Variants in KLF8 observed in about 807,000 individuals in gnomAD.
KLF8 encodes the protein Krueppel-like factor 8.
KLF8 carries 10 observed loss-of-function variants against 18.2 expected under a neutral mutation model. The ratio of observed to expected loss-of-function variants is 0.55; its 90% CI spans 0.34 to 0.93. The LOEUF is 0.93. Ranked by LOEUF, KLF8 falls within the 40% of genes least tolerant of loss-of-function variation. The probability of loss-of-function intolerance (pLI) is 0.02; values close to 1 mark genes in which losing one functional copy is unlikely to be tolerated. For missense variants in KLF8, 264 were observed against 277.9 expected, an observed-to-expected ratio of 0.95 and a Z score of 0.36; for synonymous variants, 109 against 97.3, an observed-to-expected ratio of 1.12 and a Z score of -0.71.
At chrX:56,266,467 A>G (rs1340119068) in intron 3 of KLF8, 1 of 737,268 alleles carries the variant, frequency 1.4e-6, no homozygotes, top group Non-Finnish European at 1.6e-6. Flanking sequence ...AGAGAACTTA[A>G]CACAGTGCTA....
the KLF8 span, among the ~76,000 whole-genome samples, chrX:56,158,194 G>T: frequency 1.8e-4 from 20 of 111,399 alleles, no homozygotes; most frequent in East Asian, 4.5e-3. Context: ...AAGATCAGAT[G>T]GTTGTAGATA....
chrX:56,263,552 T>G (rs2066917204), intron 2 of KLF8, among the ~76,000 whole-genome samples: 1 of 111,199 alleles, frequency 9.0e-6, no homozygotes, highest in African/African-American at 3.3e-5. Flanking sequence ...GTGGTGTGAT[T>G]ATAGATCACT....
chrX:56,128,283 TG>T, the KLF8 span, among the ~76,000 whole-genome samples: 1 of 112,020 alleles, frequency 8.9e-6, no homozygotes, highest in Non-Finnish European at 1.9e-5. Flanking sequence ...ATGATGGTTT[TG>T]AAAATTATTT....
the KLF8 span, among the ~76,000 whole-genome samples, chrX:55,971,195 G>A: frequency 3.1e-4 from 34 of 111,129 alleles, no homozygotes; most frequent in Non-Finnish European, 4.4e-4. Context: ...AAACAACATG[G>A]TACTGGCATA....
chrX:56,147,501 G>A, the KLF8 span, among the ~76,000 whole-genome samples: 1 of 111,865 alleles, frequency 8.9e-6, no homozygotes, highest in Non-Finnish European at 1.9e-5. Context: ...TTGTGCTAAC[G>A]AAAGAAACCA....
the KLF8 span, among the ~76,000 whole-genome samples, chrX:55,916,391 T>C: frequency 3.6e-5 from 4 of 111,971 alleles, no homozygotes; most frequent in African/African-American, 1.3e-4. Flanking sequence ...GGGTTGACTG[T>C]GCTCCCAGTG....
the KLF8 span, among the ~76,000 whole-genome samples, chrX:56,212,603 C>T: frequency 8.9e-6 from 1 of 112,152 alleles, no homozygotes; most frequent in Non-Finnish European, 1.9e-5. Flanking sequence ...CAGGATCCCA[C>T]TGAGTTCAAT....
At chrX:56,176,651 C>T in the KLF8 span, among the ~76,000 whole-genome samples, 3 of 111,227 alleles carry the variant, frequency 2.7e-5, no homozygotes, top group Admixed American at 2.9e-4. Flanking sequence ...TGTTTGCCTG[C>T]CTTACTAGAT....
the KLF8 span, among the ~76,000 whole-genome samples, chrX:56,164,264 TAGTAAG>T: frequency 1.1e-5 from 1 of 92,094 alleles, no homozygotes; most frequent in African/African-American, 4.0e-5. Context: ...GAAAGCATGA[TAGTAAG>T]ATAGACACTA....
the KLF8 span, among the ~76,000 whole-genome samples, chrX:56,186,191 C>T: frequency 2.7e-5 from 3 of 111,225 alleles, no homozygotes; most frequent in Admixed American, 9.6e-5. Context: ...ATCTACCAAG[C>T]AAATGGAAAA....
At position 56,291,310 on chromosome X, in the gene KLF8, G is replaced by T. The variant is rs2147719492; in HGVS notation, c.*6816G>T. On this transcript the variant is annotated 3_prime_UTR_variant, in exon 6 of 6. Coordinates refer to ENST00000468660, the MANE Select transcript of KLF8 (RefSeq NM_007250.5). ...GTTCTTGCTCCAGAGGCATGGCTTTGAGGCTAGAATCATGAGCAATCTCTC... is the reference window on the plus strand; with the variant it reads ...GTTCTTGCTCCAGAGGCATGGCTTTTAGGCTAGAATCATGAGCAATCTCTC... Among the ~76,000 whole-genome samples the T allele has an allele frequency of 9.0e-6, 1 of 111,340 alleles. No individual in the cohort carries two copies. Among genetic ancestry groups the T allele is most frequent in the South Asian group, 3.8e-4 (1 of 2,636 alleles).
chrX:56,043,440 T>A, the KLF8 span, among the ~76,000 whole-genome samples: 1 of 111,584 alleles, frequency 9.0e-6, no homozygotes, highest in African/African-American at 3.3e-5. Context: ...CTTGTCGGTT[T>A]CAGGTACCCC....
chrX:55,986,524 A>G, the KLF8 span, among the ~76,000 whole-genome samples: 2 of 111,915 alleles, frequency 1.8e-5, no homozygotes, highest in East Asian at 5.6e-4. Context: ...CAGTCCCAGT[A>G]TGAGAACCTG....
At chrX:56,145,341 T>A in the KLF8 span, among the ~76,000 whole-genome samples, 1 of 111,625 alleles carries the variant, frequency 9.0e-6, no homozygotes, top group African/African-American at 3.3e-5. Flanking sequence ...GGAACCCTCA[T>A]CCACTGATGT....
chrX:55,959,515 G>A, the KLF8 span, among the ~76,000 whole-genome samples: 1 of 111,885 alleles, frequency 8.9e-6, no homozygotes, highest in Non-Finnish European at 1.9e-5. Flanking sequence ...CAGTAAAATG[G>A]TCCAAGAGTT....
chrX:56,169,328 G>A, the KLF8 span, among the ~76,000 whole-genome samples: 1 of 111,301 alleles, frequency 9.0e-6, no homozygotes, highest in Non-Finnish European at 1.9e-5. Context: ...AAAAGTAAAG[G>A]GGACTTTGTT....
the KLF8 span, among the ~76,000 whole-genome samples, chrX:55,994,925 G>C: frequency 8.9e-6 from 1 of 111,779 alleles, no homozygotes; most frequent in East Asian, 2.8e-4. Flanking sequence ...AAGTCTGTTA[G>C]GTTCATTTGG....
At chrX:56,253,171 C>G (rs2066737440) in intron 2 of KLF8, among the ~76,000 whole-genome samples, 1 of 112,050 alleles carries the variant, frequency 8.9e-6, no homozygotes, top group African/African-American at 3.2e-5. Context: ...TGTCTCTTCA[C>G]TTTGTTGATT....
chrX:55,932,474 T>C, the KLF8 span, among the ~76,000 whole-genome samples: 1 of 111,974 alleles, frequency 8.9e-6, no homozygotes, highest in African/African-American at 3.2e-5. Flanking sequence ...CGATGGTCTT[T>C]ACAATTTGGT....
Sources: gnomAD v4.1 joint callset for allele counts (sites outside exome capture counted in the v4.1 genomes callset) on GRCh38, gnomAD v4.1.1 for gene constraint, MANE v1.5 for transcripts, NCBI Gene and HGNC (gene_info 2026-07-23, HGNC 2026-07-21) for gene names.